The following PPARGC1A variants were observed in gnomAD, a reference collection of about 807,000 sequenced individuals.
PPARGC1A encodes PPARG coactivator 1 alpha.
PPARGC1A carries 25 observed loss-of-function variants against 88.7 expected under a neutral mutation model. The observed-to-expected ratio is 0.28, with a 90% CI of 0.21 to 0.39. The LOEUF is 0.39. Ranked by LOEUF, PPARGC1A falls within the 10% of genes least tolerant of loss-of-function variation. The pLI, the probability that PPARGC1A is intolerant of heterozygous loss-of-function variation, is 1.00. For synonymous variants in PPARGC1A, 363 were observed against 355.6 expected (o/e 1.02, Z -0.24); for missense variants, 880 against 968.7 (o/e 0.91, Z 1.22).
chr4:23,941,011 A>G, the PPARGC1A span, among the ~76,000 whole-genome samples: 1 of 152,170 alleles, frequency 6.6e-6, no homozygotes, highest in Non-Finnish European at 1.5e-5. Context: ...CTTGTCAAAA[A>G]CAGAAACTTG....
chr4:23,972,411 A>G, the PPARGC1A span, among the ~76,000 whole-genome samples: 1 of 152,230 alleles, frequency 6.6e-6, no homozygotes, highest in African/African-American at 2.4e-5. Flanking sequence ...TCTGTTACTC[A>G]TTGGGATTGC....
chr4:24,064,510 G>A, the PPARGC1A span, among the ~76,000 whole-genome samples: 1 of 152,126 alleles, frequency 6.6e-6, no homozygotes, highest in South Asian at 2.1e-4. Flanking sequence ...GAAGAGGGCA[G>A]GAGCCTGGGT....
At chr4:24,297,656 C>A in the PPARGC1A span, among the ~76,000 whole-genome samples, 6 of 152,242 alleles carry the variant, frequency 3.9e-5, no homozygotes, top group South Asian at 1.0e-3. Context: ...TCATCAGGAG[C>A]TTTGAAGGAA....
chr4:23,828,882 A>G (rs1724493839), intron 4 of PPARGC1A, among the ~76,000 whole-genome samples: 1 of 152,172 alleles, frequency 6.6e-6, no homozygotes, highest in African/African-American at 2.4e-5. Flanking sequence ...TTTATTGTGA[A>G]TAAAAAAAAT....
the PPARGC1A span, among the ~76,000 whole-genome samples, chr4:23,970,175 A>G: frequency 6.6e-6 from 1 of 152,210 alleles, no homozygotes; most frequent in Non-Finnish European, 1.5e-5. Flanking sequence ...ATTCCTGTGT[A>G]AGTCTGCAGA....
At chr4:24,094,082 C>T in the PPARGC1A span, among the ~76,000 whole-genome samples, 1 of 152,134 alleles carries the variant, frequency 6.6e-6, no homozygotes, top group Non-Finnish European at 1.5e-5. Flanking sequence ...GATTCTCAGC[C>T]CGCTCTTTCT....
the PPARGC1A span, among the ~76,000 whole-genome samples, chr4:24,064,141 G>A: frequency 6.6e-6 from 1 of 152,168 alleles, no homozygotes; most frequent in Non-Finnish European, 1.5e-5. Context: ...CTGTGCACAG[G>A]CCTCTGACCA....
chr4:23,805,122 A>G (rs576167315), intron 10 of PPARGC1A, among the ~76,000 whole-genome samples: 1 of 142,392 alleles, frequency 7.0e-6, no homozygotes, highest in Non-Finnish European at 1.6e-5. Flanking sequence ...CATCTTGAAC[A>G]CTTATCCCAT....
chr4:23,879,479 G>C (rs546733162), intron 2 of PPARGC1A, among the ~76,000 whole-genome samples: 1 of 152,324 alleles, frequency 6.6e-6, no homozygotes, highest in Non-Finnish European at 1.5e-5. Flanking sequence ...ACTTAACCAG[G>C]AACGATATCC....
chr4:23,895,966 GTGTGTGTGTGTGTGTATATATA>G lies in PPARGC1A; in HGVS notation n.52+3279_52+3300del, dbSNP rs1560531887. 4.4e-5 allele frequency among the ~76,000 whole-genome samples: 4 copies of G among 90,232 alleles called. 1 individual carries two copies. The highest frequency in any genetic ancestry group is 3.2e-4 in the African/African-American group (4 of 12,332). 59.2% of individuals were successfully genotyped at this position (90,232 alleles called of 152,430 possible). On this transcript the variant is annotated intron_variant and non_coding_transcript_variant, in intron 1 of 3. Coordinates refer to the PPARGC1A transcript ENST00000507342. ...TGTGTGTGTGTGTGTGTGTGTGTGTGTGTGTGTGTGTGTGTATATATATATACACACACATATTTATATTTAA... is the reference window on the plus strand; with the variant it reads ...TGTGTGTGTGTGTGTGTGTGTGTGTGTATACACACACATATTTATATTTAA...
chr4:24,149,980 A>G, the PPARGC1A span, among the ~76,000 whole-genome samples: 13 of 152,158 alleles, frequency 8.5e-5, no homozygotes, highest in African/African-American at 2.7e-4. Context: ...AGTGCCCCCA[A>G]TTTTTAGGAC....
chr4:24,269,038 A>G, the PPARGC1A span, among the ~76,000 whole-genome samples: 10 of 151,946 alleles, frequency 6.6e-5, no homozygotes, highest in African/African-American at 2.4e-4. Flanking sequence ...TTGTGATTGA[A>G]TTAAGATATG....
the PPARGC1A span, among the ~76,000 whole-genome samples, chr4:24,164,073 A>G: frequency 6.6e-6 from 1 of 152,206 alleles, no homozygotes; most frequent in Non-Finnish European, 1.5e-5. Context: ...GCATCTCTGT[A>G]TTGTGTCCCA....
chr4:24,388,812 C>G, the PPARGC1A span, among the ~76,000 whole-genome samples: 1 of 151,664 alleles, frequency 6.6e-6, no homozygotes, highest in African/African-American at 2.4e-5. Flanking sequence ...CACACTGGAG[C>G]CTGTTGGAGG....
chr4:24,069,594 T>C, the PPARGC1A span, among the ~76,000 whole-genome samples: 226 of 152,306 alleles, frequency 1.5e-3, 1 homozygote, highest in African/African-American at 5.2e-3. Flanking sequence ...AGTAATCAGG[T>C]CTTGTCTTCC....
At chr4:24,147,464 C>T in the PPARGC1A span, among the ~76,000 whole-genome samples, 5 of 152,246 alleles carry the variant, frequency 3.3e-5, no homozygotes, top group East Asian at 7.7e-4. Context: ...TCGGCTGTAC[C>T]GGGCATAGCT....
At chr4:24,212,848 G>A in the PPARGC1A span, among the ~76,000 whole-genome samples, 1 of 152,224 alleles carries the variant, frequency 6.6e-6, no homozygotes, top group African/African-American at 2.4e-5. Context: ...AACAATGGTT[G>A]TGTCCCTTCC....
chr4:24,034,462 G>A, the PPARGC1A span, among the ~76,000 whole-genome samples: 1 of 152,174 alleles, frequency 6.6e-6, no homozygotes, highest in African/African-American at 2.4e-5. Context: ...TTTTCGATGT[G>A]ATAATGGTAT....
intron 5 of PPARGC1A, among the ~76,000 whole-genome samples, chr4:23,824,713 G>A (rs916665753): frequency 6.6e-6 from 1 of 151,942 alleles, no homozygotes; most frequent in African/African-American, 2.4e-5. Flanking sequence ...ACTACCATTC[G>A]AAAACACATA....
Sources: gnomAD v4.1 joint callset for allele counts (sites outside exome capture counted in the v4.1 genomes callset) on GRCh38, gnomAD v4.1.1 for gene constraint, MANE v1.5 for transcripts, NCBI Gene and HGNC (gene_info 2026-07-23, HGNC 2026-07-21) for gene names.